The following B3GALT1 variants were observed in gnomAD, a reference collection of about 807,000 sequenced individuals.
The protein encoded by B3GALT1 is beta-1,3-galactosyltransferase 1.
In B3GALT1, 10 loss-of-function variants were observed where a neutral mutation model predicts 23.2. The observed-to-expected ratio is 0.43, with a 90% confidence interval of 0.27 to 0.73. The LOEUF is 0.73. Ranked by LOEUF, B3GALT1 falls within the 30% of genes least tolerant of loss-of-function variation. The probability of loss-of-function intolerance (pLI) is 0.21; values close to 1 mark genes in which losing one functional copy is unlikely to be tolerated. For missense variants in B3GALT1, 299 were observed against 405.4 expected, an observed-to-expected ratio of 0.74 and a Z score of 2.25; for synonymous variants, 156 against 141.5, an observed-to-expected ratio of 1.10 and a Z score of -0.73.
At chr2:167,639,971 G>A (rs1158950736) in intron 2 of B3GALT1, among the ~76,000 whole-genome samples, 1 of 152,050 alleles carries the variant, frequency 6.6e-6, no homozygotes, top group African/African-American at 2.4e-5. Context: ...GGGACACATT[G>A]TAATTTGAGA....
intron 1 of B3GALT1, among the ~76,000 whole-genome samples, chr2:167,314,578 A>G (rs10192896): frequency 0.81 from 123,770 of 152,098 alleles, 51,410 homozygotes; most frequent in Non-Finnish European, 0.91. Context: ...AATATTCAAA[A>G]CTGTGAATCG....
chr2:167,476,940 G>C (rs190295617), intron 1 of B3GALT1, among the ~76,000 whole-genome samples: 1 of 152,122 alleles, frequency 6.6e-6, no homozygotes, highest in African/African-American at 2.4e-5. Context: ...TTGAAGTTCC[G>C]TAAATAATTC....
At chr2:167,586,042 G>C (rs1835745) in intron 2 of B3GALT1, among the ~76,000 whole-genome samples, 1 of 152,040 alleles carries the variant, frequency 6.6e-6, no homozygotes, top group Non-Finnish European at 1.5e-5. Context: ...TAGGTAAAGC[G>C]CCATTTTTTG....
intron 3 of B3GALT1, among the ~76,000 whole-genome samples, chr2:167,694,650 A>C (rs1686765794): frequency 6.6e-6 from 1 of 152,154 alleles, no homozygotes; most frequent in African/African-American, 2.4e-5. Context: ...TAAGATAACA[A>C]AAATGGAAGC....
intron 4 of B3GALT1, among the ~76,000 whole-genome samples, chr2:167,867,214 C>T (rs1443090738): frequency 2.6e-5 from 4 of 152,232 alleles, no homozygotes; most frequent in Non-Finnish European, 5.9e-5. Flanking sequence ...GCGTGAGCCA[C>T]CGCGCCCGGC....
chr2:167,583,264 A>G (rs572859053), intron 2 of B3GALT1, among the ~76,000 whole-genome samples: 1 of 152,230 alleles, frequency 6.6e-6, no homozygotes, highest in Admixed American at 6.5e-5. Flanking sequence ...AGGGGCAGAC[A>G]TTTCTTTTAT....
At chr2:167,476,304 A>C (rs954507654) in intron 1 of B3GALT1, among the ~76,000 whole-genome samples, 1 of 152,158 alleles carries the variant, frequency 6.6e-6, no homozygotes, top group Non-Finnish European at 1.5e-5. Context: ...AGTCACAGGC[A>C]GATTTGGGAC....
At chr2:167,563,893 G>C (rs1201527366) in intron 2 of B3GALT1, among the ~76,000 whole-genome samples, 2 of 2,540 alleles carry the variant, frequency 7.9e-4, no homozygotes, top group African/African-American at 2.9e-3. Flanking sequence ...CGGGGCGGCC[G>C]GCCGGGCGGG....
intron 1 of B3GALT1, among the ~76,000 whole-genome samples, chr2:167,343,017 G>A (rs543773249): frequency 6.6e-6 from 1 of 152,246 alleles, no homozygotes; most frequent in South Asian, 2.1e-4. Flanking sequence ...CTTGAAAGAA[G>A]GTCCTTGTCC....
intron 4 of B3GALT1, among the ~76,000 whole-genome samples, chr2:167,825,646 C>T (rs1028885345): frequency 7.9e-5 from 12 of 151,990 alleles, no homozygotes; most frequent in Admixed American, 2.0e-4. Context: ...GGGATCGATC[C>T]CTTTTCTCTG....
intron 3 of B3GALT1, among the ~76,000 whole-genome samples, chr2:167,770,497 C>G (rs1240466811): frequency 1.3e-5 from 2 of 152,030 alleles, no homozygotes; most frequent in East Asian, 3.9e-4. Context: ...TTTGAGGGTT[C>G]TTTAGATATT....
intron 2 of B3GALT1, among the ~76,000 whole-genome samples, chr2:167,530,005 A>G (rs1432556275): frequency 6.6e-6 from 1 of 152,156 alleles, no homozygotes; most frequent in African/African-American, 2.4e-5. Context: ...TACAATGGCC[A>G]GTGAGACTCT....
chr2:167,817,698 T>G (rs1689022469), intron 3 of B3GALT1, among the ~76,000 whole-genome samples: 1 of 152,164 alleles, frequency 6.6e-6, no homozygotes, highest in African/African-American at 2.4e-5. Flanking sequence ...AGAGTTTTAT[T>G]TCATATGAGG....
chr2:167,325,627 A>G (rs986086334), intron 1 of B3GALT1, among the ~76,000 whole-genome samples: 1 of 151,792 alleles, frequency 6.6e-6, no homozygotes, highest in African/African-American at 2.4e-5. Context: ...CACAGATCCA[A>G]GCCATATCAA....
chr2:167,382,524 C>A, intron 1 of B3GALT1, among the ~76,000 whole-genome samples: 1 of 152,134 alleles, frequency 6.6e-6, no homozygotes, highest in South Asian at 2.1e-4. Flanking sequence ...TTATCAAGCA[C>A]CCCCTTATGA....
At chr2:167,533,721 TC>T (rs1173391495) in intron 2 of B3GALT1, among the ~76,000 whole-genome samples, 1 of 152,202 alleles carries the variant, frequency 6.6e-6, no homozygotes, top group Non-Finnish European at 1.5e-5. Context: ...TTGTTCAGAT[TC>T]CCTTACGTTT....
At chr2:167,491,306 T>C (rs1699705607) in intron 2 of B3GALT1, among the ~76,000 whole-genome samples, 1 of 152,126 alleles carries the variant, frequency 6.6e-6, no homozygotes, top group Non-Finnish European at 1.5e-5. Flanking sequence ...CTGTACCTTA[T>C]TCCAATATCA....
At chr2:167,409,778 C>T (rs570737467) in intron 1 of B3GALT1, among the ~76,000 whole-genome samples, 5 of 151,728 alleles carry the variant, frequency 3.3e-5, no homozygotes, top group Non-Finnish European at 7.4e-5. Context: ...CAGGAAACAA[C>T]AGATGCTGGC....
At chr2:167,848,879 G>T (rs889590340) in intron 4 of B3GALT1, among the ~76,000 whole-genome samples, 1 of 152,156 alleles carries the variant, frequency 6.6e-6, no homozygotes, top group Non-Finnish European at 1.5e-5. Context: ...TAGAACTGAT[G>T]AAAGAATTCA....
Sources: allele counts gnomAD v4.1 joint callset (sites outside exome capture counted in the v4.1 genomes callset), GRCh38; gene constraint gnomAD v4.1.1; transcripts MANE v1.5; gene names NCBI Gene and HGNC (gene_info 2026-07-23, HGNC 2026-07-21).